The following TGFA variants were observed in gnomAD, a reference collection of about 807,000 sequenced individuals.
TGFA encodes the protein protransforming growth factor alpha.
In TGFA, 12 loss-of-function variants were observed where a neutral mutation model predicts 21.7. That is an observed-to-expected ratio of 0.55 (90% CI 0.35 to 0.90). The LOEUF (loss-of-function observed/expected upper bound fraction) is 0.90, where lower values mean the gene tolerates loss of function less well. Ranked by LOEUF, TGFA falls within the 40% of genes least tolerant of loss-of-function variation. The probability of loss-of-function intolerance (pLI) is 0.01; values close to 1 mark genes in which losing one functional copy is unlikely to be tolerated. For missense variants in TGFA, 178 were observed against 210.8 expected (o/e 0.84, Z 0.96); for synonymous variants, 79 against 88.1 (o/e 0.90, Z 0.58).
At position 70,450,527 on chromosome 2, in the gene TGFA, C is replaced by T. The variant is rs969968339; in HGVS notation, c.*332G>A. The T allele has an allele frequency of 6.9e-5, 19 of 274,288 alleles. No individual in the cohort carries two copies. Among genetic ancestry groups the T allele is most frequent in the Non-Finnish European group, 1.2e-4 (17 of 144,742 alleles). 17.0% of individuals were successfully genotyped at this position (274,288 alleles called of 1,614,324 possible). On this transcript the variant is annotated 3_prime_UTR_variant, in exon 6 of 6. Coordinates refer to ENST00000295400, the MANE Select transcript of TGFA (RefSeq NM_003236.4). Reference sequence around the variant, plus strand: ...GAAATATATAGCCTGGAATCCATGGCTGGCAGAAGACAACTGCACACATGT... The same window carrying T: ...GAAATATATAGCCTGGAATCCATGGTTGGCAGAAGACAACTGCACACATGT...
chr2:70,542,996 G>A (rs1488447601), intron 1 of TGFA, among the ~76,000 whole-genome samples: 2 of 151,830 alleles, frequency 1.3e-5, no homozygotes, highest in East Asian at 3.9e-4. Flanking sequence ...CCAGGTACTT[G>A]GGAGGCTGAA....
intron 3 of TGFA, among the ~76,000 whole-genome samples, chr2:70,457,121 C>T (rs534165120): frequency 1.3e-5 from 2 of 152,288 alleles, no homozygotes; most frequent in Admixed American, 6.5e-5. Context: ...TCTGAATGTG[C>T]GTGTAGCCTG....
intron 3 of TGFA, among the ~76,000 whole-genome samples, chr2:70,459,150 C>G (rs1253445539): frequency 6.6e-6 from 1 of 152,124 alleles, no homozygotes; most frequent in Middle Eastern, 3.2e-3. Flanking sequence ...ACCAGCAGGC[C>G]CTGGGAAAGA....
intron 3 of TGFA, among the ~76,000 whole-genome samples, chr2:70,460,027 C>T (rs1026529882): frequency 2.6e-5 from 4 of 152,228 alleles, no homozygotes; most frequent in African/African-American, 9.6e-5. Flanking sequence ...ATCAAAATCT[C>T]TCTGCAAATG....
intron 2 of TGFA, among the ~76,000 whole-genome samples, chr2:70,500,035 A>C (rs1671688857): frequency 6.6e-6 from 1 of 152,246 alleles, no homozygotes. Context: ...TAAACAAGCA[A>C]TACAAACATT....
intron 3 of TGFA, 139 bp downstream of exon 3, chr2:70,465,477 C>T (rs782011142): frequency 2.3e-5 from 25 of 1,105,616 alleles, no homozygotes; most frequent in Middle Eastern, 5.7e-4. Flanking sequence ...GTCCCTCAGC[C>T]CCACTGTTCC....
At chr2:70,504,450 A>ATATATATATATG (rs1559123955) in intron 2 of TGFA, among the ~76,000 whole-genome samples, 7 of 71,974 alleles carry the variant, frequency 9.7e-5, no homozygotes, top group African/African-American at 6.0e-4. Context: ...ATATATATAT[A>ATATATATATATG]TATATATATA....
chr2:70,450,868 T>G lies in TGFA; in HGVS notation c.476-2A>C. 6.2e-7 allele frequency: 1 copy of G among 1,609,006 alleles called. No homozygotes were observed. The highest frequency in any genetic ancestry group is 8.5e-7 in the Non-Finnish European group (1 of 1,177,404). On this transcript the variant is annotated splice_acceptor_variant, in intron 5 of 5. Coordinates refer to ENST00000295400, the MANE Select transcript of TGFA (RefSeq NM_003236.4). LOFTEE classifies it high-confidence loss of function. ...TCCTCCTCTGGGCTCTTCAGACCAC[T>G]GGCAGGAAGGAAAAACAGGTTAAGC... is the stretch of plus-strand genomic sequence containing the variant.
chr2:70,553,438 C>T (rs1233839397), intron 1 of TGFA: 3 of 1,421,740 alleles, frequency 2.1e-6, no homozygotes, highest in East Asian at 2.6e-5. Context: ...CACACAGCTG[C>T]GGCGGATTAA....
At chr2:70,553,106 T>G in intron 1 of TGFA, 1 of 1,471,812 alleles carries the variant, frequency 6.8e-7, no homozygotes, top group Non-Finnish European at 9.2e-7. Context: ...GCTCCTGCCC[T>G]CGGCGGACAC....
intron 2 of TGFA, among the ~76,000 whole-genome samples, chr2:70,475,439 G>A (rs922285885): frequency 3.3e-5 from 5 of 152,114 alleles, no homozygotes; most frequent in East Asian, 1.9e-4. Context: ...ATGGCAGAGC[G>A]GAAACCAGAA....
At chr2:70,500,994 G>C (rs1233945734) in intron 2 of TGFA, among the ~76,000 whole-genome samples, 1 of 150,498 alleles carries the variant, frequency 6.6e-6, no homozygotes, top group Admixed American at 6.6e-5. Context: ...AAATTGCAGA[G>C]ACTGATGTTA....
chr2:70,472,790 C>T (rs1553493502), intron 2 of TGFA, among the ~76,000 whole-genome samples: 2 of 152,248 alleles, frequency 1.3e-5, no homozygotes, highest in Non-Finnish European at 2.9e-5. Context: ...AAGTTGTGAA[C>T]ACGTTTGCCC....
intron 3 of TGFA, among the ~76,000 whole-genome samples, chr2:70,464,334 C>G (rs1444892430): frequency 6.6e-6 from 1 of 152,248 alleles, no homozygotes; most frequent in Non-Finnish European, 1.5e-5. Flanking sequence ...TCAAACAGTA[C>G]TTGACATGAA....
intron 1 of TGFA, among the ~76,000 whole-genome samples, chr2:70,527,889 A>C (rs1672687000): frequency 6.6e-6 from 1 of 152,220 alleles, no homozygotes; most frequent in South Asian, 2.1e-4. Context: ...GTTCAAGTAC[A>C]ACGTCCTTCT....
chr2:70,522,958 C>T (rs1672519344), intron 1 of TGFA, among the ~76,000 whole-genome samples: 4 of 152,188 alleles, frequency 2.6e-5, no homozygotes, highest in African/African-American at 7.2e-5. Context: ...AGCCATTGAA[C>T]TCCATTATAA....
chr2:70,462,545 C>T (rs1260976728), intron 3 of TGFA, among the ~76,000 whole-genome samples: 2 of 152,134 alleles, frequency 1.3e-5, no homozygotes, highest in African/African-American at 2.4e-5. Flanking sequence ...CTATCTGGGG[C>T]GGCACACCTG....
chr2:70,481,390 A>T (rs1671115576), intron 2 of TGFA, among the ~76,000 whole-genome samples: 1 of 152,220 alleles, frequency 6.6e-6, no homozygotes, highest in African/African-American at 2.4e-5. Context: ...TTCCTTAAAC[A>T]CATTAACATC....
rs1669952738 is a variant in TGFA, at chr2:70,448,488, G to A, written c.*2371C>T. 1 of 152,200 alleles carries A rather than the reference G, an allele frequency of 6.6e-6. No homozygotes were observed. The highest frequency in any genetic ancestry group is 6.5e-5 in the Admixed American group (1 of 15,292). The allele number at this position is 152,200 out of a possible 1,614,324, so 9.4% of individuals were successfully genotyped here. On this transcript the variant is annotated 3_prime_UTR_variant, in exon 6 of 6. Transcript: ENST00000295400. ...CAAGGAAACACAGGGAGCTTGCAGA[G>A]ATGGATTAGAAGATGCATTTTTAAC...
Sources: allele counts gnomAD v4.1 joint callset (sites outside exome capture counted in the v4.1 genomes callset), GRCh38; gene constraint gnomAD v4.1.1; transcripts MANE v1.5; gene names NCBI Gene and HGNC (gene_info 2026-07-23, HGNC 2026-07-21).